Variants in NFKB1 observed in about 807,000 individuals in gnomAD.
NFKB1 encodes the protein nuclear factor NF-kappa-B p105 subunit.
NFKB1 carries 9 observed loss-of-function variants against 105.1 expected under a neutral mutation model. That is an observed-to-expected ratio of 0.09 (90% CI 0.05 to 0.15). NFKB1 has a LOEUF of 0.15. NFKB1 is among the 10% of genes least tolerant of loss of function. The probability of loss-of-function intolerance (pLI) is 1.00; values close to 1 mark genes in which losing one functional copy is unlikely to be tolerated. For missense variants in NFKB1, 830 were observed against 1,203.7 expected, an observed-to-expected ratio of 0.69 and a Z score of 4.59; for synonymous variants, 440 against 442.2, an observed-to-expected ratio of 1.00 and a Z score of 0.06.
intron 2 of NFKB1, among the ~76,000 whole-genome samples, chr4:102,528,709 TA>T (rs1307363113): frequency 1.3e-5 from 2 of 152,234 alleles, no homozygotes; most frequent in Non-Finnish European, 2.9e-5. Context: ...TTTAAAGTCC[TA>T]AATGAGCCAG....
intron 1 of NFKB1, among the ~76,000 whole-genome samples, chr4:102,517,337 T>C (rs1315344582): frequency 6.6e-6 from 1 of 152,200 alleles, no homozygotes; most frequent in Non-Finnish European, 1.5e-5. Flanking sequence ...TTTTGTATGG[T>C]TTCACAGTTG....
intron 19 of NFKB1, among the ~76,000 whole-genome samples, chr4:102,609,057 G>A (rs1345589072): frequency 6.6e-6 from 1 of 151,176 alleles, no homozygotes; most frequent in Non-Finnish European, 1.5e-5. Context: ...GGAGGCCGAG[G>A]TAGAAGTATC....
intron 19 of NFKB1, among the ~76,000 whole-genome samples, chr4:102,608,856 C>T (rs75560702): frequency 2.5e-4 from 38 of 152,192 alleles, no homozygotes; most frequent in African/African-American, 8.9e-4. Flanking sequence ...TGCCTTCCAA[C>T]AAGAAGCTAT....
At chr4:102,593,098 A>G (rs968806157) in intron 11 of NFKB1, among the ~76,000 whole-genome samples, 3 of 152,230 alleles carry the variant, frequency 2.0e-5, no homozygotes, top group South Asian at 2.1e-4. Flanking sequence ...AAAAGGGTCA[A>G]TAATTTTTTA....
intron 17 of NFKB1, 96 bp downstream of exon 17, chr4:102,606,793 A>G (rs1400056022): frequency 7.4e-7 from 1 of 1,352,096 alleles, no homozygotes; most frequent in Non-Finnish European, 1.0e-6. Context: ...TTGCACCCAA[A>G]AGTGCTTTCC....
At chr4:102,533,265 G>A (rs1354984604) in intron 3 of NFKB1, among the ~76,000 whole-genome samples, 2 of 152,076 alleles carry the variant, frequency 1.3e-5, no homozygotes, top group Non-Finnish European at 2.9e-5. Flanking sequence ...AAGGAATGAA[G>A]GCAGTACTTT....
chr4:102,584,298 C>T (rs1725543834), intron 10 of NFKB1, among the ~76,000 whole-genome samples: 1 of 152,112 alleles, frequency 6.6e-6, no homozygotes, highest in African/African-American at 2.4e-5. Flanking sequence ...CTCTCTCTTT[C>T]CATACCCAGT....
At chr4:102,613,070 A>C (rs1728574714) in intron 22 of NFKB1, among the ~76,000 whole-genome samples, 1 of 151,980 alleles carries the variant, frequency 6.6e-6, no homozygotes, top group Non-Finnish European at 1.5e-5. Flanking sequence ...TCTGTTGAAA[A>C]TTTCATGGTT....
At chr4:102,545,214 C>G (rs1485319027) in intron 5 of NFKB1, among the ~76,000 whole-genome samples, 1 of 152,126 alleles carries the variant, frequency 6.6e-6, no homozygotes, top group Non-Finnish European at 1.5e-5. Flanking sequence ...GGAGGCTACC[C>G]TGCAGTCTCA....
intron 5 of NFKB1, among the ~76,000 whole-genome samples, chr4:102,565,247 G>T (rs1723763603): frequency 6.6e-6 from 1 of 152,088 alleles, no homozygotes; most frequent in Non-Finnish European, 1.5e-5. Context: ...TTGCTCTGGG[G>T]ACCCTGCTCT....
intron 16 of NFKB1, among the ~76,000 whole-genome samples, chr4:102,602,911 T>C (rs905220961): frequency 6.6e-6 from 1 of 152,226 alleles, no homozygotes; most frequent in Non-Finnish European, 1.5e-5. Flanking sequence ...TTTTGGCTGA[T>C]TGTTCCTTGT....
intron 2 of NFKB1, 29 bp from the exon 3 acceptor site, chr4:102,529,807 T>G: frequency 1.4e-6 from 2 of 1,476,216 alleles, no homozygotes; most frequent in South Asian, 2.4e-5. Flanking sequence ...AAAATAATGA[T>G]TGAAACATTT....
chr4:102,609,347 C>T (rs1161444846), intron 19 of NFKB1, among the ~76,000 whole-genome samples: 1 of 152,020 alleles, frequency 6.6e-6, no homozygotes, highest in East Asian at 1.9e-4. Flanking sequence ...TGTGGTGGCT[C>T]ACACCTGTAA....
chr4:102,589,373 C>G (rs1413287909), intron 11 of NFKB1, among the ~76,000 whole-genome samples: 1 of 152,020 alleles, frequency 6.6e-6, no homozygotes, highest in East Asian at 1.9e-4. Context: ...AATTATAAAT[C>G]TGAATCTAAA....
chr4:102,533,995 A>C, intron 4 of NFKB1, 110 bp downstream of exon 4: 1 of 898,686 alleles, frequency 1.1e-6, no homozygotes. Flanking sequence ...GTTTATCTGA[A>C]AGATCAACAA....
At chr4:102,532,920 CTTT>C (rs1741392737) in intron 3 of NFKB1, among the ~76,000 whole-genome samples, 1 of 152,140 alleles carries the variant, frequency 6.6e-6, no homozygotes, top group African/African-American at 2.4e-5. Flanking sequence ...AGCTTAAGGA[CTTT>C]TTCATATTGA....
intron 1 of NFKB1, among the ~76,000 whole-genome samples, chr4:102,519,755 T>G (rs1740444311): frequency 6.6e-6 from 1 of 152,228 alleles, no homozygotes; most frequent in South Asian, 2.1e-4. Flanking sequence ...CCAGAGACTG[T>G]GGGGTCAGAT....
intron 4 of NFKB1, 132 bp downstream of exon 4, chr4:102,534,017 A>C: frequency 1.4e-6 from 1 of 731,190 alleles, no homozygotes; most frequent in African/African-American, 1.8e-5. Flanking sequence ...CTGACAAATT[A>C]TGTAACAGCT....
chr4:102,572,311 A>G (rs1271577558), intron 6 of NFKB1, among the ~76,000 whole-genome samples: 1 of 122,234 alleles, frequency 8.2e-6, no homozygotes, highest in Non-Finnish European at 1.6e-5. Context: ...AGGGTGGGGA[A>G]TATCACACCC....
Sources: allele counts gnomAD v4.1 joint callset (sites outside exome capture counted in the v4.1 genomes callset), GRCh38; gene constraint gnomAD v4.1.1; transcripts MANE v1.5; gene names NCBI Gene and HGNC (gene_info 2026-07-23, HGNC 2026-07-21).